CHCHD6: variants seen among roughly 807,000 people sequenced by gnomAD.
CHCHD6 encodes the protein coiled-coil-helix-coiled-coil-helix domain containing 6, also known as MICOS complex subunit MIC25.
In CHCHD6, 28 loss-of-function variants were observed where a neutral mutation model predicts 32.3. The observed-to-expected ratio is 0.87, with a 90% CI of 0.64 to 1.19. The LOEUF is 1.19. CHCHD6 is among the 50% of genes most tolerant of loss of function. CHCHD6 has a pLI of 0.00. For synonymous variants in CHCHD6, 122 were observed against 117.5 expected, an observed-to-expected ratio of 1.04 and a Z score of -0.25; for missense variants, 333 against 307.0, an observed-to-expected ratio of 1.08 and a Z score of -0.63.
At chr3:126,897,038 T>G (rs1221801260) in intron 5 of CHCHD6, among the ~76,000 whole-genome samples, 1 of 152,070 alleles carries the variant, frequency 6.6e-6, no homozygotes, top group Non-Finnish European at 1.5e-5. Flanking sequence ...CCAACATGGA[T>G]GAGGTGTGGA....
intron 4 of CHCHD6, among the ~76,000 whole-genome samples, chr3:126,777,257 CA>C (rs1937692318): frequency 6.6e-6 from 1 of 152,176 alleles, no homozygotes; most frequent in African/African-American, 2.4e-5. Context: ...AGAAATCATA[CA>C]TGGTCAAAAC....
chr3:126,835,732 G>C (rs1940831426), intron 4 of CHCHD6, among the ~76,000 whole-genome samples: 1 of 152,168 alleles, frequency 6.6e-6, no homozygotes. Context: ...TCTCTTTTCA[G>C]CCTGCAGATT....
rs533764179 is a variant in CHCHD6 at position 126,927,504 on chromosome 3, C to T, written c.566+12754C>T. ...GGGCAGCCCCACTGTGCACAGGCTT[C>T]AGCCCAGTGCTTTCTGAGTGCTCAG... is the stretch of plus-strand genomic sequence containing the variant. On this transcript the variant is annotated intron_variant, in intron 6 of 7. Transcript: ENST00000290913. 2.6e-5 allele frequency among the ~76,000 whole-genome samples: 4 copies of T among 152,368 alleles called. No homozygotes were observed. The South Asian group carries it at 8.3e-4, about 32-fold the overall frequency.
intron 4 of CHCHD6, among the ~76,000 whole-genome samples, chr3:126,808,776 G>T (rs1472711355): frequency 6.6e-6 from 1 of 152,142 alleles, no homozygotes; most frequent in African/African-American, 2.4e-5. Flanking sequence ...CTCTCCCCAA[G>T]TTGCCCTCGT....
chr3:126,813,934 G>A lies in CHCHD6; in HGVS notation c.412-38713G>A, dbSNP rs1017633162. ...TCTTGTGTAGTTCTCATCCAGATGG[G>A]AGAATAGTAATTTGAGGAAGAGCTC... On this transcript the variant is annotated intron_variant, in intron 4 of 7. Coordinates refer to ENST00000290913, the MANE Select transcript of CHCHD6 (RefSeq NM_032343.3). 7.9e-5 allele frequency among the ~76,000 whole-genome samples: 12 copies of A among 152,346 alleles called. No individual in the cohort carries two copies. The South Asian group carries it at 2.5e-3, about 32-fold the overall frequency.
chr3:126,849,823 A>G (rs73203680), intron 4 of CHCHD6, among the ~76,000 whole-genome samples: 16,184 of 152,162 alleles, frequency 0.11, 939 homozygotes, highest in Middle Eastern at 0.22. Context: ...GCCCTTTTAC[A>G]ATTCTGTCTG....
At chr3:126,909,248 C>T (rs1208628024) in intron 5 of CHCHD6, among the ~76,000 whole-genome samples, 2 of 152,244 alleles carry the variant, frequency 1.3e-5, no homozygotes, top group African/African-American at 4.8e-5. Context: ...TCTGTGATTG[C>T]ACATGCCTTA....
At chr3:126,863,691 C>G (rs988992954) in intron 5 of CHCHD6, among the ~76,000 whole-genome samples, 1 of 147,238 alleles carries the variant, frequency 6.8e-6, no homozygotes, top group African/African-American at 2.5e-5. Context: ...CCTCCTCCAC[C>G]ATCACCACCT....
At chr3:126,864,781 AC>A (rs1447534472) in intron 5 of CHCHD6, among the ~76,000 whole-genome samples, 5 of 122,030 alleles carry the variant, frequency 4.1e-5, no homozygotes, top group Admixed American at 1.6e-4. Context: ...CTCCTCCTCC[AC>A]CATCACCTCC....
At chr3:126,915,486 G>T (rs2078155568) in intron 6 of CHCHD6, among the ~76,000 whole-genome samples, 1 of 152,192 alleles carries the variant, frequency 6.6e-6, no homozygotes, top group Non-Finnish European at 1.5e-5. Context: ...GTGTGAAGTT[G>T]GTCTCTATGG....
chr3:126,801,777 C>A (rs1939085470), intron 4 of CHCHD6, among the ~76,000 whole-genome samples: 1 of 152,224 alleles, frequency 6.6e-6, no homozygotes, highest in Non-Finnish European at 1.5e-5. Context: ...GGTCCCTGAC[C>A]CCTGACCCCC....
intron 5 of CHCHD6, among the ~76,000 whole-genome samples, chr3:126,855,565 A>G (rs1941635348): frequency 6.6e-6 from 1 of 152,010 alleles, no homozygotes; most frequent in Non-Finnish European, 1.5e-5. Context: ...ATGGATTTTT[A>G]TCATTAAAGG....
At chr3:126,708,896 C>A (rs1469291648) in intron 1 of CHCHD6, among the ~76,000 whole-genome samples, 4 of 152,112 alleles carry the variant, frequency 2.6e-5, no homozygotes, top group African/African-American at 9.7e-5. Flanking sequence ...CTGGACATTT[C>A]GTAGATAGTC....
chr3:126,819,939 G>C (rs1006720034), intron 4 of CHCHD6, among the ~76,000 whole-genome samples: 1 of 152,258 alleles, frequency 6.6e-6, no homozygotes, highest in Non-Finnish European at 1.5e-5. Flanking sequence ...CTGGTCAGCT[G>C]TCTGGGCTTT....
intron 2 of CHCHD6, among the ~76,000 whole-genome samples, chr3:126,728,118 G>GAACA (rs1559807778): frequency 1.3e-5 from 2 of 152,178 alleles, no homozygotes; most frequent in Non-Finnish European, 2.9e-5. Context: ...CTGTTGGGTT[G>GAACA]AAAGAGTTTA....
intron 5 of CHCHD6, among the ~76,000 whole-genome samples, chr3:126,892,436 G>T (rs1244122681): frequency 6.6e-6 from 1 of 152,128 alleles, no homozygotes; most frequent in Admixed American, 6.5e-5. Context: ...CCTCACCTTG[G>T]TCTCTCCTGC....
chr3:126,877,010 G>A (rs981295091), intron 5 of CHCHD6, among the ~76,000 whole-genome samples: 15 of 152,156 alleles, frequency 9.9e-5, no homozygotes, highest in Admixed American at 6.5e-4. Flanking sequence ...AAGATTTTAA[G>A]TCACCAGCCT....
At chr3:126,747,804 C>T (rs1936564422) in intron 4 of CHCHD6, among the ~76,000 whole-genome samples, 1 of 152,190 alleles carries the variant, frequency 6.6e-6, no homozygotes, top group South Asian at 2.1e-4. Flanking sequence ...TGCTGGATTC[C>T]AGCCTTGGGT....
At chr3:126,913,885 C>T (rs1468872219) in intron 5 of CHCHD6, among the ~76,000 whole-genome samples, 1 of 152,250 alleles carries the variant, frequency 6.6e-6, no homozygotes, top group Non-Finnish European at 1.5e-5. Flanking sequence ...AGCAAAGTTC[C>T]ATAACCTACC....
Sources: allele counts gnomAD v4.1 joint callset (sites outside exome capture counted in the v4.1 genomes callset), GRCh38; gene constraint gnomAD v4.1.1; transcripts MANE v1.5; gene names NCBI Gene and HGNC (gene_info 2026-07-23, HGNC 2026-07-21).